The following HRH1 variants were observed in gnomAD, a reference collection of about 807,000 sequenced individuals.
The protein encoded by HRH1 is histamine H1 receptor.
Under a neutral mutation model 10.3 loss-of-function variants are expected in HRH1, and 6 were observed. The ratio of observed to expected loss-of-function variants is 0.58; its 90% CI spans 0.32 to 1.15. HRH1 has a LOEUF of 1.15. Among genes scored for constraint, HRH1 ranks in the 50% most tolerant of loss-of-function variants. The pLI, the probability that HRH1 is intolerant of heterozygous loss-of-function variation, is 0.05. For missense variants in HRH1, 514 were observed against 615.3 expected (o/e 0.84, Z 1.74); for synonymous variants, 242 against 236.7 (o/e 1.02, Z -0.21).
At chr3:11,257,187 AG>A (rs1939803557) in intron 1 of HRH1, among the ~76,000 whole-genome samples, 1 of 149,358 alleles carries the variant, frequency 6.7e-6, no homozygotes, top group Admixed American at 6.7e-5. Context: ...CAGAAAGCAG[AG>A]GTTGCAGTGA....
chr3:11,148,627 AAAAG>A (rs1936517982), intron 1 of HRH1, among the ~76,000 whole-genome samples: 1 of 152,078 alleles, frequency 6.6e-6, no homozygotes, highest in African/African-American at 2.4e-5. Flanking sequence ...GCAGCAGAAA[AAAAG>A]AAAGAAGAGT....
chr3:11,198,621 C>T (rs1380607808), intron 1 of HRH1, among the ~76,000 whole-genome samples: 2 of 151,592 alleles, frequency 1.3e-5, no homozygotes, highest in Non-Finnish European at 2.9e-5. Flanking sequence ...CCCATAATCC[C>T]AGTGCTTTGG....
At chr3:11,181,094 G>A (rs938277820) in intron 1 of HRH1, among the ~76,000 whole-genome samples, 1 of 151,914 alleles carries the variant, frequency 6.6e-6, no homozygotes, top group Admixed American at 6.6e-5. Context: ...ACCAGCCTGG[G>A]CAATATGGCA....
In HRH1 at chr3:11,164,099, G is replaced by A. The variant is rs1005239767; in HGVS notation, c.-36+9545G>A. Among the ~76,000 whole-genome samples, 9 of 152,356 alleles carry A rather than the reference G, an allele frequency of 5.9e-5. No homozygotes were observed. In the South Asian group the frequency reaches 1.9e-3, roughly 32 times the overall value. On this transcript the variant is annotated intron_variant, in intron 1 of 1. Transcript: ENST00000431010. ...TGAATGAATGAGTGAGCAGGACTTT[G>A]AAACATAAGGGATCAATGGGTAAAG...
At chr3:11,169,210 C>T (rs937996711) in intron 1 of HRH1, among the ~76,000 whole-genome samples, 1 of 152,138 alleles carries the variant, frequency 6.6e-6, no homozygotes, top group African/African-American at 2.4e-5. Context: ...ATACTGGGCT[C>T]CTTGCCTGGT....
chr3:11,247,648 T>C (rs1178150688), intron 1 of HRH1, among the ~76,000 whole-genome samples: 1 of 152,132 alleles, frequency 6.6e-6, no homozygotes, highest in Admixed American at 6.5e-5. Flanking sequence ...AGGAAGTTGG[T>C]CTAAGAAACA....
chr3:11,234,486 C>T, intron 1 of HRH1: 1 of 1,519,570 alleles, frequency 6.6e-7, no homozygotes, highest in Non-Finnish European at 9.1e-7. Context: ...TTGAACTGTT[C>T]CCCACAGGGG....
chr3:11,233,199 C>G lies in HRH1; in HGVS notation c.-35-25804C>G, dbSNP rs183803215. The stretch of plus-strand genomic sequence containing the variant: ...CTCAAAGCACATTATCATTGCCACC[C>G]TCTTTCTCATCTCCTTCTGGGACTA... On this transcript the variant is annotated intron_variant, in intron 1 of 1. Transcript: ENST00000431010. 3.3e-5 allele frequency among the ~76,000 whole-genome samples: 5 copies of G among 152,300 alleles called. No homozygotes were observed. The South Asian group carries it at 1.0e-3, about 32-fold the overall frequency.
chr3:11,261,236 G>A lies in HRH1; in HGVS notation c.*735G>A, dbSNP rs759621487. The A allele has an allele frequency of 3.0e-5, 5 of 167,036 alleles. No homozygotes were observed. Among genetic ancestry groups the A allele is most frequent in the African/African-American group, 4.8e-5 (2 of 41,432 alleles). The allele number at this position is 167,036 out of a possible 1,614,324, so 10.3% of individuals were successfully genotyped here. A position where few individuals can be genotyped will look rare whatever the true frequency, so the allele number is the denominator to read the frequency against. ...AATTTCCTTTGGCTATTAAAAAAGT[G>A]GTGGCAAAAGACATCCTCAAAAGAA... On this transcript the variant is annotated 3_prime_UTR_variant, in exon 2 of 2. Transcript: ENST00000431010.
intron 1 of HRH1, among the ~76,000 whole-genome samples, chr3:11,199,389 T>C (rs1170705753): frequency 6.6e-6 from 1 of 152,146 alleles, no homozygotes; most frequent in Non-Finnish European, 1.5e-5. Context: ...CAGGGCCTTT[T>C]CGCATGCTGT....
At chr3:11,258,941 G>GCTA in intron 1 of HRH1, 62 bp from the exon 2 acceptor site, 1 of 1,172,310 alleles carries the variant, frequency 8.5e-7, no homozygotes, top group South Asian at 1.5e-5. Flanking sequence ...TGAACATCAT[G>GCTA]CTACTAAGTG....
chr3:11,152,580 G>C (rs1248411733), upstream of HRH1, among the ~76,000 whole-genome samples: 5 of 151,906 alleles, frequency 3.3e-5, no homozygotes, highest in Admixed American at 3.3e-4. Flanking sequence ...TGAAAGTGTG[G>C]ACGCAGCCAT....
intron 1 of HRH1, among the ~76,000 whole-genome samples, chr3:11,232,024 G>A (rs1016394010): frequency 6.8e-6 from 1 of 148,088 alleles, no homozygotes; most frequent in Admixed American, 6.8e-5. Context: ...ACTGAGTCTC[G>A]CTCTGTCACC....
At chr3:11,173,644 G>A (rs1937197132) in intron 1 of HRH1, among the ~76,000 whole-genome samples, 1 of 151,874 alleles carries the variant, frequency 6.6e-6, no homozygotes, top group South Asian at 2.1e-4. Context: ...ATTAGTTTTT[G>A]TTTTACTCTT....
chr3:11,137,605 T>C (rs751586800), intron 1 of HRH1, among the ~76,000 whole-genome samples: 1 of 151,950 alleles, frequency 6.6e-6, no homozygotes, highest in Non-Finnish European at 1.5e-5. Flanking sequence ...GGAGGAGTCA[T>C]CATGGGCTGT....
chr3:11,196,056 C>T (rs987893075), intron 1 of HRH1, among the ~76,000 whole-genome samples: 1 of 152,372 alleles, frequency 6.6e-6, no homozygotes, highest in East Asian at 1.9e-4. Flanking sequence ...AGTCCATTCT[C>T]TTTCCTGCAG....
At chr3:11,251,653 C>A (rs944865797) in intron 1 of HRH1, among the ~76,000 whole-genome samples, 2 of 152,074 alleles carry the variant, frequency 1.3e-5, no homozygotes, top group Non-Finnish European at 2.9e-5. Flanking sequence ...TTTTTTTCTG[C>A]GTTTGAATTT....
At chr3:11,176,248 C>T (rs113118110) in intron 1 of HRH1, among the ~76,000 whole-genome samples, 23 of 151,672 alleles carry the variant, frequency 1.5e-4, no homozygotes, top group South Asian at 6.2e-4. Context: ...AATAGAATGA[C>T]GAACTCTGGT....
chr3:11,255,062 G>T (rs76882817), intron 1 of HRH1, among the ~76,000 whole-genome samples: 1 of 152,316 alleles, frequency 6.6e-6, no homozygotes, highest in South Asian at 2.1e-4. Context: ...GCGAAGGCAG[G>T]AAGGCTGTTT....
Sources: allele counts gnomAD v4.1 joint callset (sites outside exome capture counted in the v4.1 genomes callset), GRCh38; gene constraint gnomAD v4.1.1; transcripts MANE v1.5; gene names NCBI Gene and HGNC (gene_info 2026-07-23, HGNC 2026-07-21).